Variants in SORL1 observed in about 807,000 individuals in gnomAD.
SORL1 encodes the protein sortilin related receptor 1.
In SORL1, 127 loss-of-function variants were observed where a neutral mutation model predicts 273.7. The ratio of observed to expected loss-of-function variants is 0.46; its 90% CI spans 0.40 to 0.54. SORL1 has a LOEUF of 0.54. SORL1 is among the 20% of genes least tolerant of loss of function. The probability of loss-of-function intolerance (pLI) is 0.00; values close to 1 mark genes in which losing one functional copy is unlikely to be tolerated. For missense variants in SORL1, 2,494 were observed against 2,846.1 expected, an observed-to-expected ratio of 0.88 and a Z score of 2.81; for synonymous variants, 1,031 against 1,067.4, an observed-to-expected ratio of 0.97 and a Z score of 0.66.
chr11:121,551,619 C>T (rs541359740), intron 16 of SORL1, among the ~76,000 whole-genome samples: 12 of 152,274 alleles, frequency 7.9e-5, no homozygotes, highest in East Asian at 1.9e-4. Flanking sequence ...AGTTAACTTC[C>T]GTCTGTGGTG....
chr11:121,527,454 G>GT (rs202123420), intron 11 of SORL1, among the ~76,000 whole-genome samples: 29 of 149,896 alleles, frequency 1.9e-4, no homozygotes, highest in East Asian at 5.8e-4. Flanking sequence ...TCTTTAATTT[G>GT]TTTTTTTTTG....
At chr11:121,584,093 A>T (rs1591338413) in intron 26 of SORL1, among the ~76,000 whole-genome samples, 1 of 152,160 alleles carries the variant, frequency 6.6e-6, no homozygotes, top group South Asian at 2.1e-4. Flanking sequence ...TTATACTGTT[A>T]TGCTAGTACC....
At chr11:121,583,947 A>T (rs1290547027) in intron 26 of SORL1, among the ~76,000 whole-genome samples, 1 of 152,022 alleles carries the variant, frequency 6.6e-6, no homozygotes, top group East Asian at 1.9e-4. Flanking sequence ...TATACATTCT[A>T]CTCCTTAAGT....
rs1210646053 is a variant in SORL1, at chr11:121,615,043, C to A, written c.5592C>A (p.Gly1864=). The change falls in exon 41 of 48, where the codon GGC becomes GGA. Residue 1864 remains glycine (G), a synonymous_variant. Transcript: ENST00000260197. ...NQTAVECTWT[G]PRNVVYGIFY... ...CTGCAGTGGAATGTACCTGGACCGG[C>A]CCCCGGAATGTGGTGAGTCAGCCAG... 5 of 1,597,598 alleles carry A rather than the reference C, an allele frequency of 3.1e-6. No individual in the cohort carries two copies. Among genetic ancestry groups the A allele is most frequent in the Non-Finnish European group, 4.3e-6 (5 of 1,172,330 alleles).
In SORL1 at chr11:121,622,608, A is replaced by G. The variant is rs117296889; in HGVS notation, c.6171+340A>G. ...GCTCAGGGTGTTAAACCAGGAGCCTATTCCACACTCGCTGAGGGTGGGACT... is the reference window on the plus strand; with the variant it reads ...GCTCAGGGTGTTAAACCAGGAGCCTGTTCCACACTCGCTGAGGGTGGGACT... On this transcript the variant is annotated intron_variant, in intron 45 of 47. Transcript: ENST00000260197. Among the ~76,000 whole-genome samples, 1,031 of 152,334 alleles carry G rather than the reference A, an allele frequency of 6.8e-3. 11 individuals are homozygous for G. Among genetic ancestry groups the G allele is most frequent in the Non-Finnish European group, 0.011 (753 of 68,034 alleles).
chr11:121,454,771 G>A (rs1405315904), intron 1 of SORL1, among the ~76,000 whole-genome samples: 1 of 152,232 alleles, frequency 6.6e-6, no homozygotes, highest in Admixed American at 6.5e-5. Context: ...CAGAATGCAA[G>A]CACAGGTTGG....
intron 31 of SORL1, among the ~76,000 whole-genome samples, chr11:121,592,511 A>ATT (rs1863231556): frequency 6.6e-6 from 1 of 152,214 alleles, no homozygotes; most frequent in South Asian, 2.1e-4. Flanking sequence ...ATTCCTTTAA[A>ATT]TGATTTCCAT....
At chr11:121,604,423 G>C in intron 33 of SORL1, 99 bp downstream of exon 33, 1 of 1,424,584 alleles carries the variant, frequency 7.0e-7, no homozygotes, top group African/African-American at 1.4e-5. Flanking sequence ...GGACCCTTTT[G>C]AACTGTTGCT....
intron 11 of SORL1, among the ~76,000 whole-genome samples, 198 bp from the exon 12 acceptor site, chr11:121,532,266 C>G (rs990826615): frequency 2.0e-5 from 3 of 152,196 alleles, no homozygotes; most frequent in Non-Finnish European, 4.4e-5. Flanking sequence ...AGAACTTGCT[C>G]CACCTGTCCC....
chr11:121,624,084 T>C (rs1444293193), intron 45 of SORL1, among the ~76,000 whole-genome samples: 1 of 152,166 alleles, frequency 6.6e-6, no homozygotes, highest in East Asian at 1.9e-4. Flanking sequence ...TTCACTACCA[T>C]GAGAACAGTA....
At chr11:121,484,202 G>T (rs749029810) in intron 3 of SORL1, among the ~76,000 whole-genome samples, 2 of 152,302 alleles carry the variant, frequency 1.3e-5, no homozygotes, top group East Asian at 1.9e-4. Flanking sequence ...GTGTCTTCTG[G>T]CAATATTCTT....
At chr11:121,474,713 G>C (rs973192913) in intron 2 of SORL1, among the ~76,000 whole-genome samples, 38 of 152,336 alleles carry the variant, frequency 2.5e-4, no homozygotes, top group African/African-American at 8.4e-4. Flanking sequence ...AGTGAGTCCG[G>C]GGTGTTCTCT....
At chr11:121,555,071 C>T in intron 17 of SORL1, 116 bp from the exon 18 acceptor site, 2 of 1,138,232 alleles carry the variant, frequency 1.8e-6, no homozygotes, top group Non-Finnish European at 2.4e-6. Flanking sequence ...TAACGTAAAA[C>T]ATCTCATCCC....
chr11:121,550,469 G>C lies in SORL1; in HGVS notation c.2181-116G>C. ...CGAACATCCTCTTTCTAGTTCTAAAGAGAAATGAGTGGATGGACTCTACTG... is the reference window on the plus strand; with the variant it reads ...CGAACATCCTCTTTCTAGTTCTAAACAGAAATGAGTGGATGGACTCTACTG... On this transcript the variant is annotated intron_variant, in intron 15 of 47. Coordinates refer to ENST00000260197, the MANE Select transcript of SORL1 (RefSeq NM_003105.6). This position sits in a 1 kb window ranked among gnomAD's most constrained non-coding sequence, Gnocchi z 5.3. The C allele has an allele frequency of 1.2e-6, 1 of 858,868 alleles. No individual in the cohort carries two copies. Among genetic ancestry groups the C allele is most frequent in the Non-Finnish European group, 1.9e-6 (1 of 514,538 alleles). 53.2% of individuals were successfully genotyped at this position (858,868 alleles called of 1,614,324 possible). A position where few individuals can be genotyped will look rare whatever the true frequency, so the allele number is the denominator to read the frequency against.
rs2134907598 is a variant in SORL1, at chr11:121,557,415, G to A, written c.2663+10G>A. On this transcript the variant is annotated intron_variant, in intron 19 of 47. Transcript: ENST00000260197. Reference sequence around the variant, plus strand: ...TCGTGCCCCAAGAGGGGTAAGTGTTGCCCCAAAAGGAAATCAGTCTTGCGT... The same window carrying A: ...TCGTGCCCCAAGAGGGGTAAGTGTTACCCCAAAAGGAAATCAGTCTTGCGT... 6.3e-7 allele frequency: 1 copy of A among 1,595,996 alleles called. No homozygotes were observed. The highest frequency in any genetic ancestry group is 8.6e-7 in the Non-Finnish European group (1 of 1,163,518).
intron 46 of SORL1, chr11:121,626,752 C>G (rs2134956292): frequency 6.6e-6 from 1 of 152,300 alleles, no homozygotes; most frequent in South Asian, 2.1e-4. Flanking sequence ...GTTTCATTTT[C>G]AAGTTCAGAC....
At chr11:121,512,312 G>A (rs1031854356) in intron 6 of SORL1, among the ~76,000 whole-genome samples, 1 of 152,198 alleles carries the variant, frequency 6.6e-6, no homozygotes, top group Non-Finnish European at 1.5e-5. Context: ...TTCTCAGTTG[G>A]TAGAGCTAGC....
intron 2 of SORL1, among the ~76,000 whole-genome samples, chr11:121,473,826 C>T (rs989795710): frequency 4.6e-4 from 70 of 151,834 alleles, no homozygotes; most frequent in African/African-American, 1.6e-3. Context: ...ATCCGGGAGG[C>T]GGAGGTTGCA....
At chr11:121,531,000 C>A (rs1298913812) in intron 11 of SORL1, among the ~76,000 whole-genome samples, 1 of 152,132 alleles carries the variant, frequency 6.6e-6, no homozygotes, top group Non-Finnish European at 1.5e-5. Context: ...TGTTTGGTTT[C>A]TTTTTAAAAA....
Sources: gnomAD v4.1 joint callset for allele counts (sites outside exome capture counted in the v4.1 genomes callset) on GRCh38, gnomAD v4.1.1 for gene constraint, Gnocchi (gnomAD v3.1) non-coding constraint, MANE v1.5 for transcripts, NCBI Gene and HGNC (gene_info 2026-07-23, HGNC 2026-07-21) for gene names.